The following ZMYND11 variants were observed in gnomAD, a reference collection of about 807,000 sequenced individuals.
The protein encoded by ZMYND11 is zinc finger MYND domain-containing protein 11.
Under a neutral mutation model 84.9 loss-of-function variants are expected in ZMYND11, and 9 were observed. That is an observed-to-expected ratio of 0.11 (90% CI 0.06 to 0.18). The LOEUF (loss-of-function observed/expected upper bound fraction) is 0.18. Among genes scored for constraint, ZMYND11 ranks in the 10% least tolerant of loss-of-function variants. The pLI is 1.00. For synonymous variants in ZMYND11, 250 were observed against 244.1 expected (o/e 1.02, Z -0.23); for missense variants, 409 against 761.0 (o/e 0.54, Z 5.44).
intron 9 of ZMYND11, among the ~76,000 whole-genome samples, chr10:241,502 T>G (rs1371959939): frequency 6.6e-6 from 1 of 152,206 alleles, no homozygotes; most frequent in Non-Finnish European, 1.5e-5. Flanking sequence ...TAAAGTGAAT[T>G]TTTGTTTCTC....
chr10:136,874 G>A (rs571450543), intron 1 of ZMYND11, among the ~76,000 whole-genome samples: 2 of 152,074 alleles, frequency 1.3e-5, no homozygotes, highest in Non-Finnish European at 2.9e-5. Flanking sequence ...GTATGTGCAC[G>A]GTACCGTGCT....
intron 4 of ZMYND11, among the ~76,000 whole-genome samples, chr10:236,297 A>G (rs1024352384): frequency 3.3e-5 from 5 of 152,248 alleles, no homozygotes; most frequent in African/African-American, 9.6e-5. Flanking sequence ...TGAGGAACCT[A>G]ATTAGCTTGC....
intron 1 of ZMYND11, among the ~76,000 whole-genome samples, chr10:175,324 T>G (rs1297600362): frequency 5.9e-5 from 9 of 152,198 alleles, no homozygotes; most frequent in Non-Finnish European, 1.2e-4. Flanking sequence ...CCCCAGCACT[T>G]TGCGAGGCCT....
chr10:240,836 T>C (rs565633989), intron 8 of ZMYND11, 57 bp from the exon 9 acceptor site: 1 of 1,200,784 alleles, frequency 8.3e-7, no homozygotes, highest in African/African-American at 1.5e-5. Flanking sequence ...ACATTTTATA[T>C]AGTTTAATGT....
intron 1 of ZMYND11, among the ~76,000 whole-genome samples, chr10:168,060 A>G (rs1844425203): frequency 6.6e-6 from 1 of 152,090 alleles, no homozygotes; most frequent in African/African-American, 2.4e-5. Flanking sequence ...GTAAGTATTT[A>G]TTTAGCATCT....
At chr10:146,713 A>G (rs564303679) in intron 1 of ZMYND11, among the ~76,000 whole-genome samples, 7 of 152,190 alleles carry the variant, frequency 4.6e-5, no homozygotes, top group Non-Finnish European at 1.0e-4. Flanking sequence ...CGAAAATCTC[A>G]TCTTGAATTG....
At chr10:239,044 A>G (rs1217172640) in intron 6 of ZMYND11, among the ~76,000 whole-genome samples, 2 of 152,158 alleles carry the variant, frequency 1.3e-5, no homozygotes, top group African/African-American at 4.8e-5. Context: ...TCTGTTTTCA[A>G]TCTCGATCCT....
chr10:241,500 A>G (rs1409188233), intron 9 of ZMYND11, among the ~76,000 whole-genome samples: 1 of 152,130 alleles, frequency 6.6e-6, no homozygotes, highest in Non-Finnish European at 1.5e-5. Context: ...AATAAAGTGA[A>G]TTTTTGTTTC....
At chr10:180,230 C>A in intron 2 of ZMYND11, 102 bp downstream of exon 2, 1 of 772,612 alleles carries the variant, frequency 1.3e-6, no homozygotes, top group Non-Finnish European at 2.1e-6. Context: ...ACATATATTA[C>A]AAAGAACTGA....
chr10:205,193 G>T (rs933031163), intron 2 of ZMYND11, among the ~76,000 whole-genome samples: 1 of 152,202 alleles, frequency 6.6e-6, no homozygotes, highest in East Asian at 1.9e-4. Context: ...GTTTTATTCT[G>T]TGTTCAGGTT....
chr10:208,948 G>A (rs1384605538), intron 2 of ZMYND11, among the ~76,000 whole-genome samples: 1 of 151,986 alleles, frequency 6.6e-6, no homozygotes, highest in African/African-American at 2.4e-5. Flanking sequence ...GATATCCAAA[G>A]ATCTCTTTGA....
chr10:165,014 G>T (rs143621702), intron 1 of ZMYND11, among the ~76,000 whole-genome samples: 1 of 152,172 alleles, frequency 6.6e-6, no homozygotes, highest in East Asian at 1.9e-4. Flanking sequence ...AGACCTTCAT[G>T]TGACCTCTCT....
At chr10:162,375 GA>G (rs1341688524) in intron 1 of ZMYND11, among the ~76,000 whole-genome samples, 2 of 151,512 alleles carry the variant, frequency 1.3e-5, no homozygotes, top group Non-Finnish European at 1.5e-5. Context: ...CCAGAGACAT[GA>G]ACTGGGCATA....
chr10:241,350 G>A (rs1045188655), intron 9 of ZMYND11, among the ~76,000 whole-genome samples: 2 of 152,068 alleles, frequency 1.3e-5, no homozygotes, highest in East Asian at 3.9e-4. Flanking sequence ...GCTAATTTTT[G>A]TATTTTTTGT....
chr10:227,867 A>C (rs1342951026), intron 4 of ZMYND11, among the ~76,000 whole-genome samples: 6 of 152,340 alleles, frequency 3.9e-5, no homozygotes, highest in Middle Eastern at 3.4e-3. Flanking sequence ...TAACAAATCT[A>C]GAATGGAGAT....
intron 1 of ZMYND11, among the ~76,000 whole-genome samples, chr10:160,606 G>A (rs945672096): frequency 3.9e-5 from 6 of 152,112 alleles, no homozygotes; most frequent in African/African-American, 4.8e-5. Context: ...GGAGTCACTC[G>A]TCTCCAACCC....
chr10:175,687 A>G (rs1336187285), intron 1 of ZMYND11, among the ~76,000 whole-genome samples: 1 of 152,240 alleles, frequency 6.6e-6, no homozygotes, highest in Admixed American at 6.5e-5. Flanking sequence ...GCTAGATTTC[A>G]GTAAAATTGT....
chr10:248,676 A>C, intron 13 of ZMYND11, 68 bp downstream of exon 13: 1 of 1,514,560 alleles, frequency 6.6e-7, no homozygotes, highest in Non-Finnish European at 8.8e-7. Flanking sequence ...GGCTCCTTTC[A>C]CTCATGCATC....
intron 1 of ZMYND11, among the ~76,000 whole-genome samples, chr10:175,847 A>T (rs1846489794): frequency 6.6e-6 from 1 of 152,218 alleles, no homozygotes; most frequent in Non-Finnish European, 1.5e-5. Flanking sequence ...ATAATATTTG[A>T]TGCAAATATT....
Sources: gnomAD v4.1 joint callset for allele counts (sites outside exome capture counted in the v4.1 genomes callset) on GRCh38, gnomAD v4.1.1 for gene constraint, MANE v1.5 for transcripts, NCBI Gene and HGNC (gene_info 2026-07-23, HGNC 2026-07-21) for gene names.